The following FMN1 variants were observed in gnomAD, a reference collection of about 807,000 sequenced individuals.
FMN1 encodes formin-1.
FMN1 carries 110 observed loss-of-function variants against 132.4 expected under a neutral mutation model. The observed-to-expected ratio is 0.83, with a 90% CI of 0.71 to 0.97. The LOEUF is 0.97. Among genes scored for constraint, FMN1 ranks in the 50% least tolerant of loss-of-function variants. FMN1 has a pLI of 0.00. For missense variants in FMN1, 1,792 were observed against 1,705.3 expected (o/e 1.05, Z -0.90); for synonymous variants, 722 against 651.7 (o/e 1.11, Z -1.64).
intron 4 of FMN1, among the ~76,000 whole-genome samples, chr15:33,099,342 TCTGA>T (rs1391603198): frequency 3.9e-5 from 6 of 152,322 alleles, no homozygotes; most frequent in African/African-American, 9.6e-5. Flanking sequence ...GTGTCAGGAC[TCTGA>T]CTGACACAAT....
At chr15:33,017,733 T>A (rs932736530) in intron 6 of FMN1, among the ~76,000 whole-genome samples, 1 of 152,214 alleles carries the variant, frequency 6.6e-6, no homozygotes, top group Non-Finnish European at 1.5e-5. Flanking sequence ...GCCACTAGTT[T>A]CTTACCGCTA....
chr15:32,979,532 C>CG (rs1183443535), intron 7 of FMN1, among the ~76,000 whole-genome samples: 1 of 130,404 alleles, frequency 7.7e-6, no homozygotes, highest in Non-Finnish European at 1.6e-5. Flanking sequence ...CTGCAGCCTG[C>CG]GCAACAGAGC....
At chr15:32,857,911 T>C (rs1004791028) in intron 16 of FMN1, among the ~76,000 whole-genome samples, 30 of 152,212 alleles carry the variant, frequency 2.0e-4, no homozygotes, top group Non-Finnish European at 7.3e-5. Context: ...TATGTGTTTG[T>C]GCCAGTTACA....
rs973482664 is a variant in FMN1 at position 32,765,986 on chromosome 15, A to G, written c.*8324T>C. 2.9e-4 allele frequency: 44 copies of G among 152,336 alleles called. No individual in the cohort carries two copies. The highest frequency in any genetic ancestry group is 9.6e-4 in the African/African-American group (40 of 41,572). The allele number at this position is 152,336 out of a possible 1,614,324, so 9.4% of individuals were successfully genotyped here. A position where few individuals can be genotyped will look rare whatever the true frequency, so the allele number is the denominator to read the frequency against. On this transcript the variant is annotated 3_prime_UTR_variant, in exon 21 of 21. Coordinates refer to ENST00000616417, the MANE Select transcript of FMN1 (RefSeq NM_001277313.2). ...GAAATACGTATTTTTAAAAATGCAA[A>G]GGGAAAAATACCTGAATCCAATGAG...
intron 9 of FMN1, among the ~76,000 whole-genome samples, chr15:32,935,407 C>A (rs1213372659): frequency 6.6e-6 from 1 of 152,072 alleles, no homozygotes; most frequent in African/African-American, 2.4e-5. Flanking sequence ...TTGTCTTTAA[C>A]TTTTGACAGT....
chr15:32,884,268 T>G (rs941405747), intron 16 of FMN1, among the ~76,000 whole-genome samples: 1 of 152,178 alleles, frequency 6.6e-6, no homozygotes, highest in African/African-American at 2.4e-5. Context: ...GTACTCCCTT[T>G]TAGAGGCTCT....
chr15:32,872,457 T>C (rs1010131552), intron 16 of FMN1, among the ~76,000 whole-genome samples: 1 of 152,214 alleles, frequency 6.6e-6, no homozygotes, highest in Non-Finnish European at 1.5e-5. Flanking sequence ...TATCCACTGC[T>C]CTAATCAGGA....
intron 4 of FMN1, among the ~76,000 whole-genome samples, chr15:33,123,982 G>A (rs889479380): frequency 2.6e-5 from 4 of 152,216 alleles, no homozygotes; most frequent in Non-Finnish European, 4.4e-5. Context: ...TTCCAGCTCA[G>A]TAACCATAGC....
chr15:32,994,325 G>GA lies in FMN1; in HGVS notation c.2223+13688dup, dbSNP rs559095393. On this transcript the variant is annotated intron_variant, in intron 7 of 20. Transcript: ENST00000616417. ...TTCTGGGTTGTAGTATAAAAAGGTT[G>GA]AAAAAATCCTACTCCAGAGCTACAT... Among the ~76,000 whole-genome samples, 122 of 151,914 alleles carry GA rather than the reference G, an allele frequency of 8.0e-4. 3 individuals carry two copies. In the South Asian group the frequency reaches 0.023, roughly 29 times the overall value.
intron 7 of FMN1, among the ~76,000 whole-genome samples, chr15:32,974,490 A>G (rs2032042248): frequency 6.6e-6 from 1 of 152,188 alleles, no homozygotes; most frequent in Non-Finnish European, 1.5e-5. Context: ...TCCTGTTTTG[A>G]TTACCCCTTT....
rs189792796 is a variant in FMN1 at position 33,116,719 on chromosome 15, T to C, written c.1868-27745A>G. Reference sequence around the variant, plus strand: ...AATTCATATTGAAGCCCAAACATGATTATAAGATGCGAAAACAAATAATAC... The same window carrying C: ...AATTCATATTGAAGCCCAAACATGACTATAAGATGCGAAAACAAATAATAC... On this transcript the variant is annotated intron_variant, in intron 4 of 20. Transcript: ENST00000616417. Among the ~76,000 whole-genome samples the C allele has an allele frequency of 3.3e-3, 507 of 152,036 alleles. 2 individuals carry two copies. The highest frequency in any genetic ancestry group is 6.8e-3 in the Middle Eastern group (2 of 294).
chr15:33,147,618 A>G (rs931721301), intron 4 of FMN1, among the ~76,000 whole-genome samples: 1 of 152,234 alleles, frequency 6.6e-6, no homozygotes, highest in African/African-American at 2.4e-5. Flanking sequence ...GGAAAAATGC[A>G]CAGGCATAGA....
chr15:33,121,835 TTTTG>T (rs200305723), intron 4 of FMN1, among the ~76,000 whole-genome samples: 5,439 of 152,214 alleles, frequency 0.036, 147 homozygotes, highest in Middle Eastern at 0.054. Context: ...CCGGCCAAAT[TTTTG>T]TTTTTCTGTT....
intron 10 of FMN1, among the ~76,000 whole-genome samples, chr15:32,921,007 C>T (rs2060807119): frequency 6.6e-6 from 1 of 152,180 alleles, no homozygotes; most frequent in Non-Finnish European, 1.5e-5. Flanking sequence ...GACACAGGTG[C>T]AAGGTGCTGG....
intron 17 of FMN1, among the ~76,000 whole-genome samples, chr15:32,815,290 A>T (rs912899873): frequency 1.3e-5 from 2 of 151,790 alleles, no homozygotes; most frequent in Non-Finnish European, 2.9e-5. Context: ...TTCAAAAGCA[A>T]CTCTCATTTT....
At chr15:33,029,284 G>A (rs74539352) in intron 6 of FMN1, among the ~76,000 whole-genome samples, 2,343 of 152,186 alleles carry the variant, frequency 0.015, 50 homozygotes, top group South Asian at 0.089. Flanking sequence ...TCACATGGCT[G>A]TTCAGCAGAG....
intron 17 of FMN1, among the ~76,000 whole-genome samples, chr15:32,824,313 A>G (rs557792850): frequency 1.3e-5 from 2 of 152,304 alleles, no homozygotes; most frequent in Admixed American, 1.3e-4. Flanking sequence ...AGATTCTTAC[A>G]TGGTCCTCTT....
At chr15:32,965,814 G>A (rs144872431) in intron 8 of FMN1, among the ~76,000 whole-genome samples, 1 of 152,236 alleles carries the variant, frequency 6.6e-6, no homozygotes, top group Non-Finnish European at 1.5e-5. Flanking sequence ...TATAACAATA[G>A]AATGAACACC....
intron 6 of FMN1, among the ~76,000 whole-genome samples, chr15:33,026,906 A>G (rs984711683): frequency 6.6e-6 from 1 of 152,160 alleles, no homozygotes; most frequent in Non-Finnish European, 1.5e-5. Context: ...AATATGTAAC[A>G]TATTGCAGCT....
Sources: allele counts gnomAD v4.1 joint callset (sites outside exome capture counted in the v4.1 genomes callset), GRCh38; gene constraint gnomAD v4.1.1; transcripts MANE v1.5; gene names NCBI Gene and HGNC (gene_info 2026-07-23, HGNC 2026-07-21).